The following TEX10 variants were observed in gnomAD, a reference collection of about 807,000 sequenced individuals.
TEX10 encodes the protein testis expressed 10.
In TEX10, 24 loss-of-function variants were observed where a neutral mutation model predicts 104.4. That is an observed-to-expected ratio of 0.23 (90% CI 0.17 to 0.32). The LOEUF is 0.32. Among genes scored for constraint, TEX10 ranks in the 10% least tolerant of loss-of-function variants. The pLI is 1.00. For synonymous variants in TEX10, 396 were observed against 393.4 expected, an observed-to-expected ratio of 1.01 and a Z score of -0.08; for missense variants, 921 against 1,083.9, an observed-to-expected ratio of 0.85 and a Z score of 2.11.
chr9:100,343,695 A>G (rs1322276371), intron 4 of TEX10, among the ~76,000 whole-genome samples: 1 of 152,240 alleles, frequency 6.6e-6, no homozygotes, highest in Non-Finnish European at 1.5e-5. Flanking sequence ...CCAACATGTA[A>G]AAGCAAACAG....
Position 100,339,940 on chromosome 9 carries a change from G to T in TEX10, c.1250+317C>A, listed in dbSNP as rs1035014714. Among the ~76,000 whole-genome samples, 10 of 152,040 alleles carry T rather than the reference G, an allele frequency of 6.6e-5. No individual in the cohort carries two copies. The South Asian group carries it at 1.9e-3, about 28-fold the overall frequency. On this transcript the variant is annotated intron_variant, in intron 5 of 14. Transcript: ENST00000374902. ...CATCAAGATATTCTCTTGCTTAAGA[G>T]GTTCAATAATCACACAGTGCCTCAC...
intron 11 of TEX10, among the ~76,000 whole-genome samples, chr9:100,318,487 A>C (rs1834478770): frequency 1.3e-5 from 2 of 152,182 alleles, no homozygotes; most frequent in African/African-American, 4.8e-5. Flanking sequence ...AGTGGGGTGA[A>C]TGATAGGAGA....
intron 9 of TEX10, 30 bp downstream of exon 9, chr9:100,326,272 C>A (rs1378128640): frequency 1.2e-6 from 2 of 1,604,592 alleles, no homozygotes; most frequent in Admixed American, 1.7e-5. Flanking sequence ...AGATTATACA[C>A]TTAAAATACA....
At chr9:100,313,187 T>C (rs1374751267) in intron 11 of TEX10, among the ~76,000 whole-genome samples, 2 of 152,128 alleles carry the variant, frequency 1.3e-5, no homozygotes, top group Non-Finnish European at 2.9e-5. Context: ...GATGACATAA[T>C]TTTGCATTCT....
intron 6 of TEX10, 85 bp downstream of exon 6, chr9:100,329,846 T>A: frequency 8.6e-7 from 1 of 1,168,770 alleles, no homozygotes; most frequent in Admixed American, 2.2e-5. Context: ...ATGGAATGTT[T>A]ACAAGCCATC....
At chr9:100,352,497 T>G in intron 1 of TEX10, 1 of 1,551,110 alleles carries the variant, frequency 6.4e-7, no homozygotes, top group Non-Finnish European at 8.7e-7. Flanking sequence ...TGGGGCCCGA[T>G]TCACACACTC....
chr9:100,317,995 A>G (rs1834464245), intron 11 of TEX10, among the ~76,000 whole-genome samples: 2 of 152,166 alleles, frequency 1.3e-5, no homozygotes, highest in East Asian at 3.8e-4. Flanking sequence ...GTGAGGATGC[A>G]GAACTTACAC....
At chr9:100,337,312 AC>A (rs1835034728) in intron 5 of TEX10, among the ~76,000 whole-genome samples, 1 of 152,242 alleles carries the variant, frequency 6.6e-6, no homozygotes, top group South Asian at 2.1e-4. Context: ...ATATGCTGAT[AC>A]ATTTTTCAAT....
intron 5 of TEX10, among the ~76,000 whole-genome samples, chr9:100,337,769 C>G (rs1423677495): frequency 1.3e-5 from 2 of 152,188 alleles, no homozygotes; most frequent in African/African-American, 4.8e-5. Context: ...TGTATGCTAT[C>G]TCCTCTAGTT....
Position 100,308,697 on chromosome 9 carries a change from C to T in TEX10, c.2284-16G>A, listed in dbSNP as rs771550164. On this transcript the variant is annotated splice_polypyrimidine_tract_variant and intron_variant, in intron 12 of 14. Coordinates refer to ENST00000374902, the MANE Select transcript of TEX10 (RefSeq NM_017746.4). ...TCAACCCAACCTAAGCAGAGAAAAA[C>T]GAGATTAATCACCTCTTCATAACAG... is the stretch of plus-strand genomic sequence containing the variant. The T allele has an allele frequency of 2.6e-6, 4 of 1,567,624 alleles. No individual in the cohort carries two copies. The highest frequency in any genetic ancestry group is 1.2e-5 in the South Asian group (1 of 82,626).
chr9:100,306,317 A>G (rs1834143643), intron 13 of TEX10: 1 of 152,238 alleles, frequency 6.6e-6, no homozygotes, highest in African/African-American at 2.4e-5. Context: ...TTCACATTAC[A>G]GAAGCACACT....
chr9:100,338,296 C>A (rs1166106319), intron 5 of TEX10, among the ~76,000 whole-genome samples: 1 of 152,172 alleles, frequency 6.6e-6, no homozygotes, highest in Non-Finnish European at 1.5e-5. Flanking sequence ...TTTTCTGACA[C>A]AGAACCAGAA....
At chr9:100,311,569 T>C (rs1834282744) in intron 11 of TEX10, among the ~76,000 whole-genome samples, 1 of 152,190 alleles carries the variant, frequency 6.6e-6, no homozygotes, top group South Asian at 2.1e-4. Flanking sequence ...GCCCACCTGA[T>C]AGAGAAATGT....
intron 1 of TEX10, 146 bp downstream of exon 1, chr9:100,352,626 G>A (rs887524433): frequency 9.6e-6 from 14 of 1,464,196 alleles, no homozygotes; most frequent in South Asian, 5.5e-5. Flanking sequence ...GCCCAGCTCG[G>A]AGGGACGCCG....
At chr9:100,350,066 TA>T (rs1482144793) in intron 1 of TEX10, among the ~76,000 whole-genome samples, 2 of 152,160 alleles carry the variant, frequency 1.3e-5, no homozygotes, top group African/African-American at 2.4e-5. Context: ...TATAATGTAA[TA>T]GGGGGATAAG....
At position 100,311,972 on chromosome 9, in the gene TEX10, G is replaced by A. The variant is rs2118839599; in HGVS notation, c.2203-1593C>T. Among the ~76,000 whole-genome samples the A allele has an allele frequency of 1.3e-5, 2 of 152,000 alleles. 1 individual carries two copies. The highest frequency in any genetic ancestry group is 4.2e-4 in the South Asian group (2 of 4,800). On this transcript the variant is annotated intron_variant, in intron 11 of 14. Coordinates refer to ENST00000374902, the MANE Select transcript of TEX10 (RefSeq NM_017746.4). ...TTATACTTGTTATTTACAGATTTGA[G>A]AGTGTGTGGGGGGGGGAATCAACAG...
At chr9:100,304,048 G>A (rs763100518) in intron 13 of TEX10, 42 of 583,960 alleles carry the variant, frequency 7.2e-5, no homozygotes, top group Non-Finnish European at 1.1e-4. Context: ...CCAAGGAGGT[G>A]AAAGATCTCT....
At chr9:100,329,475 T>G (rs1324234182) in intron 6 of TEX10, among the ~76,000 whole-genome samples, 200 bp from the exon 7 acceptor site, 2 of 152,176 alleles carry the variant, frequency 1.3e-5, no homozygotes, top group Non-Finnish European at 2.9e-5. Flanking sequence ...GTATAAATTT[T>G]CTTAACAACA....
chr9:100,352,352 G>C (rs1238804510), intron 1 of TEX10: 3 of 1,551,184 alleles, frequency 1.9e-6, no homozygotes, highest in African/African-American at 1.4e-5. Flanking sequence ...CCAGAGGACG[G>C]AACAGGGGAC....
Sources: gnomAD v4.1 joint callset for allele counts (sites outside exome capture counted in the v4.1 genomes callset) on GRCh38, gnomAD v4.1.1 for gene constraint, MANE v1.5 for transcripts, NCBI Gene and HGNC (gene_info 2026-07-23, HGNC 2026-07-21) for gene names.